Variants in DNAH11 observed in about 807,000 individuals in gnomAD.
DNAH11 encodes axonemal beta dynein heavy chain 11.
A neutral mutation model predicts 526.0 loss-of-function variants in DNAH11; 442 were observed. The observed-to-expected ratio is 0.84, with a 90% CI of 0.78 to 0.91. The LOEUF is 0.91. DNAH11 is among the 40% of genes least tolerant of loss of function. DNAH11 has a pLI of 0.00. For missense variants in DNAH11, 6,989 were observed against 5,448.7 expected (o/e 1.28, Z -8.90); for synonymous variants, 2,461 against 1,935.9 (o/e 1.27, Z -7.12).
intron 65 of DNAH11, among the ~76,000 whole-genome samples, chr7:21,838,506 T>G (rs1316136884): frequency 6.6e-6 from 1 of 152,188 alleles, no homozygotes; most frequent in African/African-American, 2.4e-5. Context: ...TGCTGTATCT[T>G]TCTGTATTTA....
At chr7:21,707,968 A>G (rs1199946114) in intron 40 of DNAH11, 133 bp downstream of exon 40, 10 of 865,288 alleles carry the variant, frequency 1.2e-5, no homozygotes, top group Non-Finnish European at 1.7e-5. Context: ...ATAGCAGATC[A>G]CAACAGCATT....
chr7:21,619,359 G>T (rs374369951), intron 24 of DNAH11, 137 bp downstream of exon 24: 3 of 948,210 alleles, frequency 3.2e-6, no homozygotes, highest in African/African-American at 1.7e-5. Context: ...CTGTTCATTA[G>T]GTGTGGGATG....
intron 8 of DNAH11, among the ~76,000 whole-genome samples, chr7:21,573,289 C>A (rs1048144820): frequency 6.8e-6 from 1 of 147,806 alleles, no homozygotes; most frequent in Admixed American, 6.7e-5. Flanking sequence ...ATTTTGGAAG[C>A]CTATTCTATT....
intron 73 of DNAH11, 45 bp from the exon 74 acceptor site, chr7:21,873,229 A>G (rs774771377): frequency 1.6e-5 from 22 of 1,418,446 alleles, no homozygotes; most frequent in South Asian, 1.5e-4. Flanking sequence ...AATTCAAGTA[A>G]TATGCCTCAC....
chr7:21,617,057 A>G (rs1785815118), intron 22 of DNAH11, among the ~76,000 whole-genome samples: 1 of 152,096 alleles, frequency 6.6e-6, no homozygotes, highest in African/African-American at 2.4e-5. Flanking sequence ...ATTGTCCTTT[A>G]TTTCGTGCTA....
Position 21,588,618 on chromosome 7 carries a change from TC to T in DNAH11, c.1956del (p.Phe652LeufsTer16). ...LQRLQMFWSN[F>X]ASLRYLFLGN... ...CGACTTCAAATGTTTTGGTCAAACT[TC>T]GCATCTCTCCGTTATCTGTAAGTAG... On this transcript the variant is annotated frameshift_variant, in exon 11 of 82. Transcript: ENST00000409508. LOFTEE classifies it high-confidence loss of function. 6.2e-7 allele frequency: 1 copy of T among 1,613,532 alleles called. No homozygotes were observed.
chr7:21,579,893 T>C (rs12666258), intron 8 of DNAH11, among the ~76,000 whole-genome samples: 33,250 of 152,064 alleles, frequency 0.22, 3,865 homozygotes, highest in African/African-American at 0.27. Flanking sequence ...TAATGGTGAC[T>C]TGGACCAAGG....
At chr7:21,637,841 A>T (rs1453788083) in intron 27 of DNAH11, 139 bp downstream of exon 27, 1 of 502,900 alleles carries the variant, frequency 2.0e-6, no homozygotes, top group African/African-American at 2.0e-5. Context: ...ATAATTATCT[A>T]GTTGTCTCGT....
At chr7:21,681,112 C>T (rs1423035966) in intron 30 of DNAH11, among the ~76,000 whole-genome samples, 2 of 152,066 alleles carry the variant, frequency 1.3e-5, no homozygotes, top group Non-Finnish European at 2.9e-5. Context: ...TCTTTGAGGT[C>T]CAGCTGGGGT....
intron 81 of DNAH11, among the ~76,000 whole-genome samples, chr7:21,900,653 TGGTGTAAAAGAATA>T (rs1784756708): frequency 1.3e-5 from 2 of 152,180 alleles, no homozygotes; most frequent in South Asian, 4.1e-4. Flanking sequence ...CCACAAGTTC[TGGTGTAAAAGAATA>T]AGGTGCGACG....
Position 21,741,888 on chromosome 7 carries a change from T to C in DNAH11, c.7915-39T>C, listed in dbSNP as rs771125072. The C allele has an allele frequency of 7.5e-6, 12 of 1,605,438 alleles. No individual in the cohort carries two copies. The South Asian group carries it at 1.2e-4, about 16-fold the overall frequency. On this transcript the variant is annotated intron_variant, in intron 48 of 81. Coordinates refer to ENST00000409508, the MANE Select transcript of DNAH11 (RefSeq NM_001277115.2). ...AGGTCTTTGCAATTTTCTGGTACAA[T>C]TGTAATCCTTACACTCTTATATTTG...
intron 22 of DNAH11, among the ~76,000 whole-genome samples, 186 bp downstream of exon 22, chr7:21,616,478 G>GT (rs1350456233): frequency 1.3e-5 from 2 of 152,062 alleles, no homozygotes; most frequent in Non-Finnish European, 2.9e-5. Flanking sequence ...CTTTCTGTGA[G>GT]TGAGTTGATA....
intron 65 of DNAH11, among the ~76,000 whole-genome samples, chr7:21,836,318 G>T (rs993412723): frequency 6.6e-6 from 1 of 151,898 alleles, no homozygotes; most frequent in Non-Finnish European, 1.5e-5. Context: ...AAAAAACAAA[G>T]CTAGAGGCAT....
rs1161140132 is a variant in DNAH11, at chr7:21,901,480, A to T, written c.*226A>T. On this transcript the variant is annotated 3_prime_UTR_variant, in exon 82 of 82. Coordinates refer to ENST00000409508, the MANE Select transcript of DNAH11 (RefSeq NM_001277115.2). ...ATCCCAGTTACTCAGGAGGTAGGAG[A>T]ATCACTTGAACCTAGGAGGCAAAGG... 2 of 474,076 alleles carry T rather than the reference A, an allele frequency of 4.2e-6. No homozygotes were observed. Among genetic ancestry groups the T allele is most frequent in the Non-Finnish European group, 6.4e-6 (2 of 311,898 alleles). 29.4% of individuals were successfully genotyped at this position (474,076 alleles called of 1,614,324 possible). A position where few individuals can be genotyped will look rare whatever the true frequency, so the allele number is the denominator to read the frequency against.
chr7:21,817,818 G>C (rs1365013975), intron 64 of DNAH11, among the ~76,000 whole-genome samples: 2 of 144,290 alleles, frequency 1.4e-5, no homozygotes, highest in African/African-American at 4.9e-5. Context: ...GTGACTAAAT[G>C]TAAAGGTTTA....
rs776140118 is a variant in DNAH11, at chr7:21,601,184, C to T, written c.3425+5C>T. On this transcript the variant is annotated splice_donor_5th_base_variant and intron_variant, in intron 17 of 81. Coordinates refer to ENST00000409508, the MANE Select transcript of DNAH11 (RefSeq NM_001277115.2). Reference sequence around the variant, plus strand: ...TTTGAGATTTGTCATTGACAGGTAGCCTTTTACTTTGGTTTTTGGAATTAT... The same window carrying T: ...TTTGAGATTTGTCATTGACAGGTAGTCTTTTACTTTGGTTTTTGGAATTAT... The T allele has an allele frequency of 6.3e-7, 1 of 1,581,414 alleles. No homozygotes were observed. Among genetic ancestry groups the T allele is most frequent in the Admixed American group, 2.0e-5 (1 of 49,638 alleles).
intron 68 of DNAH11, among the ~76,000 whole-genome samples, chr7:21,858,956 A>G (rs923135036): frequency 6.6e-6 from 1 of 152,190 alleles, no homozygotes; most frequent in African/African-American, 2.4e-5. Context: ...GAATGCTCCA[A>G]AATCTGAAAC....
intron 65 of DNAH11, among the ~76,000 whole-genome samples, chr7:21,830,855 C>G (rs1226443279): frequency 6.6e-6 from 1 of 152,128 alleles, no homozygotes; most frequent in African/African-American, 2.4e-5. Context: ...GTACTCAGTA[C>G]AAATATATGG....
At chr7:21,821,883 G>T (rs985762835) in intron 65 of DNAH11, among the ~76,000 whole-genome samples, 1 of 151,934 alleles carries the variant, frequency 6.6e-6, no homozygotes, top group South Asian at 2.1e-4. Context: ...TTCCTGGCCT[G>T]TTGTAACCAC....
Sources: allele counts gnomAD v4.1 joint callset (sites outside exome capture counted in the v4.1 genomes callset), GRCh38; gene constraint gnomAD v4.1.1; transcripts MANE v1.5; gene names NCBI Gene and HGNC (gene_info 2026-07-23, HGNC 2026-07-21).